The following FMN1 variants were observed in gnomAD, a reference collection of about 807,000 sequenced individuals.
FMN1 encodes formin 1.
A neutral mutation model predicts 132.4 loss-of-function variants in FMN1; 110 were observed. The observed-to-expected ratio is 0.83, with a 90% CI of 0.71 to 0.97. The LOEUF is 0.97. FMN1 is among the 50% of genes least tolerant of loss of function. The pLI is 0.00. For missense variants in FMN1, 1,792 were observed against 1,705.3 expected (o/e 1.05, Z -0.90); for synonymous variants, 722 against 651.7 (o/e 1.11, Z -1.64).
At chr15:33,140,273 G>T (rs1030121863) in intron 4 of FMN1, among the ~76,000 whole-genome samples, 1 of 151,108 alleles carries the variant, frequency 6.6e-6, no homozygotes, top group African/African-American at 2.4e-5. Context: ...AATTGAGAGC[G>T]GGAAACACAT....
chr15:33,142,454 G>T (rs1215631593), intron 4 of FMN1, among the ~76,000 whole-genome samples: 1 of 152,062 alleles, frequency 6.6e-6, no homozygotes, highest in Non-Finnish European at 1.5e-5. Flanking sequence ...TTTGATACAG[G>T]ATGCCAAAAA....
chr15:33,121,272 TTC>T, intron 4 of FMN1, among the ~76,000 whole-genome samples: 1 of 152,374 alleles, frequency 6.6e-6, no homozygotes, highest in East Asian at 1.9e-4. Context: ...ATATGCCTGA[TTC>T]TGAGTTTCAA....
At chr15:33,119,002 A>C (rs982645853) in intron 4 of FMN1, among the ~76,000 whole-genome samples, 3 of 152,200 alleles carry the variant, frequency 2.0e-5, no homozygotes, top group Non-Finnish European at 2.9e-5. Flanking sequence ...GGTATAATTT[A>C]AAAAATTGGA....
intron 10 of FMN1, among the ~76,000 whole-genome samples, chr15:32,918,858 TG>T (rs1209807950): frequency 6.6e-6 from 1 of 152,154 alleles, no homozygotes; most frequent in Non-Finnish European, 1.5e-5. Context: ...GACTCAGCTC[TG>T]CGAGTGAAGG....
At chr15:32,831,122 A>T (rs1019060469) in intron 17 of FMN1, among the ~76,000 whole-genome samples, 2 of 152,184 alleles carry the variant, frequency 1.3e-5, no homozygotes, top group Non-Finnish European at 2.9e-5. Flanking sequence ...AGATAATAAT[A>T]GTGCTTTCCT....
chr15:33,186,072 AC>A (rs1469254648), intron 2 of FMN1, among the ~76,000 whole-genome samples: 1 of 151,834 alleles, frequency 6.6e-6, no homozygotes, highest in Non-Finnish European at 1.5e-5. Context: ...CTTCAATGCA[AC>A]CTTTGTGAAT....
At position 33,152,580 on chromosome 15, in the gene FMN1, A is replaced by G. The variant is rs563501420; in HGVS notation, c.1867+468T>C. On this transcript the variant is annotated intron_variant, in intron 4 of 20. Transcript: ENST00000616417. ...CAAACAAAAACCTCTAACTACAGAC[A>G]TAAGTGAAGACACAGCGTACTTTTG... Among the ~76,000 whole-genome samples the G allele has an allele frequency of 6.6e-5, 10 of 152,328 alleles. No homozygotes were observed. In the South Asian group the frequency reaches 1.2e-3, roughly 19 times the overall value.
At chr15:33,027,957 T>C (rs1166820048) in intron 6 of FMN1, among the ~76,000 whole-genome samples, 2 of 152,230 alleles carry the variant, frequency 1.3e-5, no homozygotes, top group African/African-American at 2.4e-5. Flanking sequence ...ACAGTGTTAC[T>C]AGCATCAAAA....
chr15:33,153,527 G>C lies in FMN1; in HGVS notation c.1388C>G (p.Pro463Arg). The change falls in exon 4 of 21, where the codon CCC (proline) becomes CGC (arginine). Residue 463 changes from proline (P) to arginine (R), a missense_variant. Physicochemically the swap from Pro to Arg is moderately radical, Grantham distance 103. This residue lies in a region of FMN1 where 638 missense variants were observed against 645.2 expected (regional missense o/e 0.99). Transcript: ENST00000616417. The part of the protein sequence containing the change: ...ETRNKRRAGL[P>R]LGGHKSLFLD... ...AAACAAGGACTTGTGGCCACCAAGG[G>C]GCAACCCGGCTCTCCTCTTGTTTCT... 6.5e-7 allele frequency: 1 copy of C among 1,536,374 alleles called. No individual in the cohort carries two copies.
chr15:33,067,287 C>T lies in FMN1; in HGVS notation c.2044-2213G>A, dbSNP rs1277557225. The T allele has an allele frequency of 6.2e-6, 10 of 1,613,790 alleles. No homozygotes were observed. The South Asian group carries it at 7.7e-5, about 12-fold the overall frequency. On this transcript the variant is annotated intron_variant, in intron 5 of 20. Transcript: ENST00000616417. ...CTTTGAGGATCTTCTGCACAGAGCT[C>T]TGCACCATTCATTTCCCCAGTGACA...
chr15:32,902,745 G>A (rs1470949000), intron 12 of FMN1, among the ~76,000 whole-genome samples: 1 of 152,162 alleles, frequency 6.6e-6, no homozygotes, highest in South Asian at 2.1e-4. Flanking sequence ...GTAGCTCACT[G>A]TCTGAGTGGT....
At chr15:33,101,901 T>A (rs1456494221) in intron 4 of FMN1, among the ~76,000 whole-genome samples, 2 of 152,160 alleles carry the variant, frequency 1.3e-5, no homozygotes, top group Admixed American at 1.3e-4. Context: ...CCAGCTGTAC[T>A]GGGCTGCTTT....
chr15:33,087,165 T>C (rs910148555), intron 5 of FMN1, among the ~76,000 whole-genome samples: 7 of 152,232 alleles, frequency 4.6e-5, no homozygotes, highest in South Asian at 2.1e-4. Context: ...TACCAGGCCA[T>C]CTAAATGTGG....
At chr15:32,892,310 T>C (rs993634192) in intron 15 of FMN1, among the ~76,000 whole-genome samples, 1 of 152,254 alleles carries the variant, frequency 6.6e-6, no homozygotes, top group Non-Finnish European at 1.5e-5. Context: ...TCTATTGATA[T>C]GATCATGTGA....
intron 16 of FMN1, 63 bp downstream of exon 16, chr15:32,888,109 T>C: frequency 7.0e-7 from 1 of 1,423,616 alleles, no homozygotes; most frequent in South Asian, 1.4e-5. Flanking sequence ...TAAATAATCC[T>C]CTTAAAACAT....
chr15:32,865,849 A>AAAAAT (rs1415778705), intron 16 of FMN1, among the ~76,000 whole-genome samples: 18 of 132,136 alleles, frequency 1.4e-4, no homozygotes, highest in African/African-American at 2.4e-4. Context: ...AAAAAAAAAA[A>AAAAAT]AAAATAAAAT....
intron 6 of FMN1, among the ~76,000 whole-genome samples, chr15:33,035,739 C>T (rs1006419774): frequency 2.0e-5 from 3 of 152,190 alleles, no homozygotes; most frequent in African/African-American, 7.2e-5. Flanking sequence ...ATATACTACA[C>T]AATGTATTTA....
intron 5 of FMN1, chr15:33,067,423 G>A: frequency 6.2e-7 from 1 of 1,613,968 alleles, no homozygotes; most frequent in African/African-American, 1.3e-5. Flanking sequence ...CTGGCTCCTG[G>A]CCACCATCAT....
chr15:32,912,663 T>C (rs2060590451), intron 10 of FMN1, among the ~76,000 whole-genome samples: 1 of 152,122 alleles, frequency 6.6e-6, no homozygotes, highest in Non-Finnish European at 1.5e-5. Flanking sequence ...TTTGTGGCTA[T>C]CTTGGAGAAT....
Sources: gnomAD v4.1 joint callset for allele counts (sites outside exome capture counted in the v4.1 genomes callset) on GRCh38, gnomAD v4.1.1 for gene constraint, gnomAD v4.1.1 regional missense constraint, MANE v1.5 for transcripts, NCBI Gene and HGNC (gene_info 2026-07-23, HGNC 2026-07-21) for gene names.